Variants in LHX5 observed in about 807,000 individuals in gnomAD.
The protein encoded by LHX5 is LIM homeobox 5.
A neutral mutation model predicts 30.6 loss-of-function variants in LHX5; 5 were observed. That is an observed-to-expected ratio of 0.16 (90% CI 0.09 to 0.34). The LOEUF is 0.34. Among genes scored for constraint, LHX5 ranks in the 10% least tolerant of loss-of-function variants. LHX5 has a pLI of 1.00. For synonymous variants in LHX5, 266 were observed against 252.6 expected, an observed-to-expected ratio of 1.05 and a Z score of -0.50; for missense variants, 458 against 570.6, an observed-to-expected ratio of 0.80 and a Z score of 2.01.
Position 113,467,549 on chromosome 12 carries a change from G to GGGGCC in LHX5, c.676-133_676-129dup, listed in dbSNP as rs1456045825. 104 of 935,858 alleles carry GGGGCC rather than the reference G, an allele frequency of 1.1e-4. 1 individual carries two copies. In the Middle Eastern group the frequency reaches 1.9e-3, roughly 17 times the overall value. The allele number at this position is 935,858 out of a possible 1,614,324, so 58.0% of individuals were successfully genotyped here. On this transcript the variant is annotated intron_variant, in intron 3 of 4. Transcript: ENST00000261731. The surrounding 1 kb of genome is among the most constrained non-coding windows in gnomAD (Gnocchi z 6.3). ...TTCCGCACCAGGACTCCCCCGAGGCGGGGCCGGGCCGGATTAGGCCGGGAG... is the reference window on the plus strand; with the variant it reads ...TTCCGCACCAGGACTCCCCCGAGGCGGGGCCGGGCCGGGCCGGATTAGGCCGGGAG...
chr12:113,463,670 AC>A lies in LHX5; in HGVS notation c.842-114del, dbSNP rs1222854685. ...CGGGCGAGAGAGGGGAGCGCGCGACACCGACCCAAGGTTAGAGAGACCTGCG... is the reference window on the plus strand; with the variant it reads ...CGGGCGAGAGAGGGGAGCGCGCGACACGACCCAAGGTTAGAGAGACCTGCG... On this transcript the variant is annotated intron_variant, in intron 4 of 4. Coordinates refer to ENST00000261731, the MANE Select transcript of LHX5 (RefSeq NM_022363.3). This position sits in a 1 kb window ranked among gnomAD's most constrained non-coding sequence, Gnocchi z 6.7. The A allele has an allele frequency of 8.6e-7, 1 of 1,168,338 alleles. No homozygotes were observed. The highest frequency in any genetic ancestry group is 1.6e-5 in the African/African-American group (1 of 62,966). 72.4% of individuals were successfully genotyped at this position (1,168,338 alleles called of 1,614,324 possible).
Position 113,463,089 on chromosome 12 carries a change from ACCCACGT to A in LHX5, c.*94_*100del, listed in dbSNP as rs971498371. 3 of 1,022,654 alleles carry A rather than the reference ACCCACGT, an allele frequency of 2.9e-6. No individual in the cohort carries two copies. The highest frequency in any genetic ancestry group is 2.7e-6 in the Non-Finnish European group (2 of 741,602). The allele number at this position is 1,022,654 out of a possible 1,614,324, so 63.3% of individuals were successfully genotyped here. A position where few individuals can be genotyped will look rare whatever the true frequency, so the allele number is the denominator to read the frequency against. ...ACCCGAGAGAGAACCCCCGAGGGAC[ACCCACGT>A]CTCCCACCGCGTCTGCGTCGGGCGT... On this transcript the variant is annotated 3_prime_UTR_variant, in exon 5 of 5. Transcript: ENST00000261731. The surrounding 1 kb of genome is among the most constrained non-coding windows in gnomAD (Gnocchi z 6.7).
At position 113,465,736 on chromosome 12, in the gene LHX5, C is replaced by G. The variant is rs1440086408; in HGVS notation, c.841+1520G>C. 1.3e-5 allele frequency among the ~76,000 whole-genome samples: 2 copies of G among 152,250 alleles called. No homozygotes were observed. The highest frequency in any genetic ancestry group is 4.8e-5 in the African/African-American group (2 of 41,476). On this transcript the variant is annotated intron_variant, in intron 4 of 4. Coordinates refer to ENST00000261731, the MANE Select transcript of LHX5 (RefSeq NM_022363.3). The surrounding 1 kb of genome is among the most constrained non-coding windows in gnomAD (Gnocchi z 6.7). ...AAAAATTCCGGGCCGGTACCGCCCC[C>G]ACTACCTCGCTGCTCCGGGCCCAGA...
chr12:113,468,141 T>C lies in LHX5; in HGVS notation c.661A>G (p.Met221Val). ...CCGGGCCGCACCTGGATGACGCGCA[T>C]GTTGAGGCCGGTCTCCTGCGCCAGC... is the stretch of plus-strand genomic sequence containing the variant. ...EQLAQETGLN[M>V]RVIQVWFQNR... The change falls in exon 3 of 5, where the codon ATG becomes GTG. Residue 221 changes from methionine to valine, a missense_variant. By Grantham distance (21) the Met-to-Val change is conservative. Transcript: ENST00000261731. The C allele has an allele frequency of 6.3e-7, 1 of 1,595,778 alleles. No homozygotes were observed. Among genetic ancestry groups the C allele is most frequent in the Non-Finnish European group, 8.5e-7 (1 of 1,172,754 alleles).
rs1958210396 is a variant in LHX5 at position 113,465,666 on chromosome 12, G to A, written c.841+1590C>T. ...GGCGGTGGGATAGGTCGGGGCGGGG[G>A]CGAAGTGGTCCTCGGGGAAACCTTG... On this transcript the variant is annotated intron_variant, in intron 4 of 4. Transcript: ENST00000261731. The surrounding 1 kb of genome is among the most constrained non-coding windows in gnomAD (Gnocchi z 6.7). Among the ~76,000 whole-genome samples the A allele has an allele frequency of 1.3e-5, 2 of 152,238 alleles. No homozygotes were observed. Among genetic ancestry groups the A allele is most frequent in the Admixed American group, 6.5e-5 (1 of 15,290 alleles).
intron 1 of LHX5, among the ~76,000 whole-genome samples, chr12:113,469,698 C>CA (rs370917087): frequency 3.4e-4 from 52 of 152,370 alleles, no homozygotes; most frequent in Admixed American, 1.2e-3. Flanking sequence ...CAGGCAAACT[C>CA]AGAGTCCATG....
Position 113,471,524 on chromosome 12 carries a change from C to A in LHX5, c.-26G>T, listed in dbSNP as rs145484604. The A allele has an allele frequency of 4.1e-4, 640 of 1,560,872 alleles. 6 individuals are homozygous for A. The East Asian group carries it at 0.014, about 35-fold the overall frequency. On this transcript the variant is annotated 5_prime_UTR_variant, in exon 1 of 5. Transcript: ENST00000261731. ...AGCCCCGCGCCCCGGCGGCTTCGGC[C>A]GCCTTGCCCTCCCTTTGGGCCCCTG... is the stretch of plus-strand genomic sequence containing the variant.
Position 113,466,915 on chromosome 12 carries a change from G to A in LHX5, c.841+341C>T, listed in dbSNP as rs1958218416. Among the ~76,000 whole-genome samples, 1 of 152,090 alleles carries A rather than the reference G, an allele frequency of 6.6e-6. No individual in the cohort carries two copies. Among genetic ancestry groups the A allele is most frequent in the African/African-American group, 2.4e-5 (1 of 41,398 alleles). On this transcript the variant is annotated intron_variant, in intron 4 of 4. Transcript: ENST00000261731. This position sits in a 1 kb window ranked among gnomAD's most constrained non-coding sequence, Gnocchi z 6.5. ...GAGTTGTGTCTCCGTGAGTGTACCT[G>A]TGTGTGAGAGGGTGGAATTTACCTA... is the stretch of plus-strand genomic sequence containing the variant.
rs1448373662 is a variant in LHX5 at position 113,463,168 on chromosome 12, C to G, written c.*22G>C. ...CGGGGCGGGGCCCCCGGGGGCCGAG[C>G]GCGGGGGGCGGCCCGGCGGCCTTAC... On this transcript the variant is annotated 3_prime_UTR_variant, in exon 5 of 5. Transcript: ENST00000261731. This position sits in a 1 kb window ranked among gnomAD's most constrained non-coding sequence, Gnocchi z 6.7. The G allele has an allele frequency of 4.8e-5, 71 of 1,478,584 alleles. No individual in the cohort carries two copies. Among genetic ancestry groups the G allele is most frequent in the Middle Eastern group, 2.4e-4 (1 of 4,162 alleles). 91.6% of individuals were successfully genotyped at this position (1,478,584 alleles called of 1,614,324 possible).
intron 1 of LHX5, among the ~76,000 whole-genome samples, chr12:113,470,846 A>G (rs781719898): frequency 3.3e-5 from 5 of 152,214 alleles, no homozygotes; most frequent in East Asian, 1.9e-4. Flanking sequence ...TCCCATCACC[A>G]GGGGAGACCT....
chr12:113,465,215 ATTAAT>A lies in LHX5; in HGVS notation c.842-1663_842-1659del, dbSNP rs1404803393. Among the ~76,000 whole-genome samples, 3 of 152,234 alleles carry A rather than the reference ATTAAT, an allele frequency of 2.0e-5. No homozygotes were observed. The highest frequency in any genetic ancestry group is 7.2e-5 in the African/African-American group (3 of 41,474). Reference sequence around the variant, plus strand: ...CGGTTGCCAATTACTTTTTAAAACCATTAATTTAATTCTCCCCGAAAGTGAAGGGG... The same window carrying A: ...CGGTTGCCAATTACTTTTTAAAACCATTAATTCTCCCCGAAAGTGAAGGGG... On this transcript the variant is annotated intron_variant, in intron 4 of 4. Transcript: ENST00000261731. The surrounding 1 kb of genome is among the most constrained non-coding windows in gnomAD (Gnocchi z 6.7).
At chr12:113,470,611 C>T (rs1958243278) in intron 1 of LHX5, among the ~76,000 whole-genome samples, 1 of 152,192 alleles carries the variant, frequency 6.6e-6, no homozygotes, top group Admixed American at 6.5e-5. Flanking sequence ...AGGTAGGGCT[C>T]AGCTGCCCCA....
chr12:113,463,168 C>A lies in LHX5; in HGVS notation c.*22G>T, dbSNP rs1448373662. On this transcript the variant is annotated 3_prime_UTR_variant, in exon 5 of 5. Transcript: ENST00000261731. This position sits in a 1 kb window ranked among gnomAD's most constrained non-coding sequence, Gnocchi z 6.7. ...CGGGGCGGGGCCCCCGGGGGCCGAG[C>A]GCGGGGGGCGGCCCGGCGGCCTTAC... 8 of 1,478,578 alleles carry A rather than the reference C, an allele frequency of 5.4e-6. No homozygotes were observed. The highest frequency in any genetic ancestry group is 1.5e-5 in the African/African-American group (1 of 67,536). 91.6% of individuals were successfully genotyped at this position (1,478,578 alleles called of 1,614,324 possible).
rs1285079557 is a variant in LHX5 at position 113,464,388 on chromosome 12, G to T, written c.842-831C>A. ...ACCTGGCCGGGGGAAACTGGATCCG[G>T]GCCGCGGCAGGAGCGACTGGTGGGT... On this transcript the variant is annotated intron_variant, in intron 4 of 4. Transcript: ENST00000261731. The surrounding 1 kb of genome is among the most constrained non-coding windows in gnomAD (Gnocchi z 6.2). Among the ~76,000 whole-genome samples, 2 of 152,224 alleles carry T rather than the reference G, an allele frequency of 1.3e-5. No homozygotes were observed. Among genetic ancestry groups the T allele is most frequent in the Admixed American group, 1.3e-4 (2 of 15,284 alleles).
At position 113,463,847 on chromosome 12, in the gene LHX5, C is replaced by T. The variant is rs116683757; in HGVS notation, c.842-290G>A. Among the ~76,000 whole-genome samples the T allele has an allele frequency of 0.022, 3,351 of 151,646 alleles. 126 individuals carry two copies. The highest frequency in any genetic ancestry group is 0.076 in the African/African-American group (3,158 of 41,452). ...AGACTCCGAGACCGTGGGGGACACA[C>T]GCGGCAAAAACTCGGAGACTTCAGT... On this transcript the variant is annotated intron_variant, in intron 4 of 4. Transcript: ENST00000261731. The surrounding 1 kb of genome is among the most constrained non-coding windows in gnomAD (Gnocchi z 6.7).
At chr12:113,470,709 C>A (rs1335205422) in intron 1 of LHX5, among the ~76,000 whole-genome samples, 1 of 152,202 alleles carries the variant, frequency 6.6e-6, no homozygotes, top group Non-Finnish European at 1.5e-5. Flanking sequence ...GGTAGGGGGG[C>A]TGGGGAGGTG....
In LHX5 at chr12:113,463,612, C is replaced by T; in HGVS notation, c.842-55G>A. 4.1e-6 allele frequency: 6 copies of T among 1,457,294 alleles called. No individual in the cohort carries two copies. Among genetic ancestry groups the T allele is most frequent in the Non-Finnish European group, 5.4e-6 (6 of 1,108,854 alleles). 90.3% of individuals were successfully genotyped at this position (1,457,294 alleles called of 1,614,324 possible). Reference sequence around the variant, plus strand: ...GCGCGGTGAGAGAAGGCGAAGTAGGCGGGGGACCCGGGACCCGGGGAGGGG... The same window carrying T: ...GCGCGGTGAGAGAAGGCGAAGTAGGTGGGGGACCCGGGACCCGGGGAGGGG... On this transcript the variant is annotated intron_variant, in intron 4 of 4. Transcript: ENST00000261731. The surrounding 1 kb of genome is among the most constrained non-coding windows in gnomAD (Gnocchi z 6.7).
rs992648401 is a variant in LHX5, at chr12:113,465,687, C to T, written c.841+1569G>A. ...GGGGGCGAAGTGGTCCTCGGGGAAA[C>T]CTTGGTTAATTATCCAGGCGGGGAA... On this transcript the variant is annotated intron_variant, in intron 4 of 4. Coordinates refer to ENST00000261731, the MANE Select transcript of LHX5 (RefSeq NM_022363.3). The surrounding 1 kb of genome is among the most constrained non-coding windows in gnomAD (Gnocchi z 6.7). Among the ~76,000 whole-genome samples, 1 of 152,214 alleles carries T rather than the reference C, an allele frequency of 6.6e-6. No individual in the cohort carries two copies. The highest frequency in any genetic ancestry group is 1.5e-5 in the Non-Finnish European group (1 of 68,028).
chr12:113,468,926 T>G (rs927620903), intron 2 of LHX5, among the ~76,000 whole-genome samples, 196 bp downstream of exon 2: 1 of 152,150 alleles, frequency 6.6e-6, no homozygotes, highest in African/African-American at 2.4e-5. Flanking sequence ...AGGTCTCAGA[T>G]CCCCTGTAAA....
Sources: allele counts gnomAD v4.1 joint callset (sites outside exome capture counted in the v4.1 genomes callset), GRCh38; gene constraint gnomAD v4.1.1; non-coding constraint Gnocchi (gnomAD v3.1); transcripts MANE v1.5; gene names NCBI Gene and HGNC (gene_info 2026-07-23, HGNC 2026-07-21).